Variants in NREP observed in about 807,000 individuals in gnomAD.
NREP encodes the protein neuronal regeneration-related protein.
In NREP, 5 loss-of-function variants were observed where a neutral mutation model predicts 8.6. The observed-to-expected ratio is 0.58, with a 90% CI of 0.30 to 1.22. The LOEUF (loss-of-function observed/expected upper bound fraction) is 1.22, where lower values mean the gene tolerates loss of function less well. NREP is among the 50% of genes most tolerant of loss of function. The pLI is 0.07. For synonymous variants in NREP, 27 were observed against 28.0 expected, an observed-to-expected ratio of 0.96 and a Z score of 0.11; for missense variants, 86 against 82.5, an observed-to-expected ratio of 1.04 and a Z score of -0.17.
chr5:111,919,602 C>T (rs1755166074), intron 2 of NREP, among the ~76,000 whole-genome samples: 1 of 152,032 alleles, frequency 6.6e-6, no homozygotes, highest in South Asian at 2.1e-4. Context: ...AACCATAATT[C>T]TCAGCAAACT....
chr5:111,731,430 T>TTAA (rs1554093693), intron 3 of NREP, among the ~76,000 whole-genome samples: 1 of 141,492 alleles, frequency 7.1e-6, no homozygotes, highest in African/African-American at 2.6e-5. Flanking sequence ...TTGATAATTA[T>TTAA]AAAAAAAAAA....
At chr5:111,970,025 A>G (rs1756764687) in intron 2 of NREP, among the ~76,000 whole-genome samples, 1 of 152,182 alleles carries the variant, frequency 6.6e-6, no homozygotes, top group Admixed American at 6.5e-5. Flanking sequence ...TATAGGGGAA[A>G]TTCTCTTTCC....
chr5:111,792,394 T>C (rs1751770859), intron 2 of NREP, among the ~76,000 whole-genome samples: 2 of 152,180 alleles, frequency 1.3e-5, no homozygotes, highest in African/African-American at 2.4e-5. Flanking sequence ...CTTAATAAAA[T>C]GATTGGAAGA....
At chr5:111,757,504 G>C (rs1750802373), upstream of NREP, 1 of 984,892 alleles carries the variant, frequency 1.0e-6, no homozygotes, top group Non-Finnish European at 1.2e-6. Context: ...AGCTGGCGCG[G>C]AGCCAGCGCC....
intron 2 of NREP, among the ~76,000 whole-genome samples, chr5:111,897,329 G>A (rs1754534210): frequency 2.0e-5 from 3 of 152,084 alleles, no homozygotes; most frequent in African/African-American, 7.2e-5. Flanking sequence ...ATCCAGCACT[G>A]AAAGAATAGA....
At chr5:111,788,739 G>A (rs938372561) in intron 2 of NREP, among the ~76,000 whole-genome samples, 1 of 152,166 alleles carries the variant, frequency 6.6e-6, no homozygotes, top group African/African-American at 2.4e-5. Context: ...CAACTTGACT[G>A]GGCAATGGGG....
intron 2 of NREP, among the ~76,000 whole-genome samples, chr5:111,787,331 C>T (rs916191271): frequency 3.9e-5 from 6 of 152,206 alleles, no homozygotes; most frequent in African/African-American, 1.4e-4. Context: ...AAACTAACCA[C>T]TGGATAATTC....
chr5:111,888,447 A>G (rs888867982), intron 2 of NREP, among the ~76,000 whole-genome samples: 9 of 152,074 alleles, frequency 5.9e-5, no homozygotes, highest in Non-Finnish European at 1.2e-4. Flanking sequence ...CAAAGGGGGA[A>G]GCCCCTTATA....
chr5:111,756,060 T>C lies in NREP; in HGVS notation c.-58-230A>G, dbSNP rs1305547667. On this transcript the variant is annotated intron_variant, in intron 1 of 3. Coordinates refer to ENST00000257435, the MANE Select transcript of NREP (RefSeq NM_004772.4). ...CTTGGCTTTGCAGAGTCCTGGGCTA[T>C]TCTTAGTGTTTGGTTCATCTTTAAA... The C allele has an allele frequency of 3.3e-6, 4 of 1,215,798 alleles. No individual in the cohort carries two copies. In the Admixed American group the frequency reaches 1.4e-4, roughly 44 times the overall value. 75.3% of individuals were successfully genotyped at this position (1,215,798 alleles called of 1,614,324 possible). A position where few individuals can be genotyped will look rare whatever the true frequency, so the allele number is the denominator to read the frequency against.
intron 2 of NREP, among the ~76,000 whole-genome samples, chr5:111,921,880 T>C (rs531279118): frequency 4.3e-4 from 65 of 152,268 alleles, no homozygotes; most frequent in Non-Finnish European, 6.5e-4. Context: ...CTGATGGGTT[T>C]ATCAGGGGTT....
intron 2 of NREP, among the ~76,000 whole-genome samples, chr5:111,827,773 T>C (rs1218619471): frequency 6.6e-6 from 1 of 151,832 alleles, no homozygotes; most frequent in Non-Finnish European, 1.5e-5. Context: ...AACCTGGAAG[T>C]TGGAGGTTGA....
chr5:111,762,835 G>A (rs1440621980), intron 2 of NREP, among the ~76,000 whole-genome samples: 1 of 152,204 alleles, frequency 6.6e-6, no homozygotes, highest in African/African-American at 2.4e-5. Flanking sequence ...ACATGTGGAA[G>A]AGTAAAGGAT....
At chr5:111,786,003 C>A (rs943472780) in intron 2 of NREP, among the ~76,000 whole-genome samples, 1 of 152,116 alleles carries the variant, frequency 6.6e-6, no homozygotes, top group Admixed American at 6.5e-5. Flanking sequence ...TAGTGTGGAG[C>A]AGGAAAAGGC....
intron 2 of NREP, among the ~76,000 whole-genome samples, chr5:111,779,547 CAGG>C (rs1751443664): frequency 6.6e-6 from 1 of 152,070 alleles, no homozygotes; most frequent in Non-Finnish European, 1.5e-5. Flanking sequence ...CTATGAGAAC[CAGG>C]AGGAGAGGCT....
chr5:111,822,519 T>A (rs1447238766), intron 2 of NREP, among the ~76,000 whole-genome samples: 1 of 152,206 alleles, frequency 6.6e-6, no homozygotes, highest in Non-Finnish European at 1.5e-5. Flanking sequence ...AATGGAAATA[T>A]ACCAGTCCTT....
At chr5:111,757,245 AT>A (rs1257428102), upstream of NREP, 4 of 5,004 alleles carry the variant, frequency 8.0e-4, no homozygotes, top group South Asian at 9.4e-3. Flanking sequence ...GGGAGGGGGG[AT>A]TGGGGGAGGG....
chr5:111,863,615 TGGC>T (rs1363981390), intron 2 of NREP, among the ~76,000 whole-genome samples: 2 of 151,988 alleles, frequency 1.3e-5, no homozygotes, highest in African/African-American at 2.4e-5. Context: ...GTCTGAGAAA[TGGC>T]GGCCAGAGAA....
At chr5:111,801,945 T>C (rs1474861550) in intron 2 of NREP, among the ~76,000 whole-genome samples, 2 of 152,180 alleles carry the variant, frequency 1.3e-5, no homozygotes, top group Admixed American at 6.5e-5. Flanking sequence ...TTGCTGTGCA[T>C]GGGACTCTGC....
At chr5:111,944,669 T>C (rs1251287839) in intron 2 of NREP, among the ~76,000 whole-genome samples, 3 of 152,094 alleles carry the variant, frequency 2.0e-5, no homozygotes, top group Non-Finnish European at 4.4e-5. Flanking sequence ...GTTCTTAACT[T>C]GATTGGTTCT....
Sources: allele counts gnomAD v4.1 joint callset (sites outside exome capture counted in the v4.1 genomes callset), GRCh38; gene constraint gnomAD v4.1.1; transcripts MANE v1.5; gene names NCBI Gene and HGNC (gene_info 2026-07-23, HGNC 2026-07-21).